Variants in RP1L1 observed in about 807,000 individuals in gnomAD.
RP1L1 encodes the protein retinitis pigmentosa 1-like 1 protein.
A neutral mutation model predicts 15.7 loss-of-function variants in RP1L1; 27 were observed. The observed-to-expected ratio is 1.72, with a 90% CI of 1.27 to 2.38. The LOEUF (loss-of-function observed/expected upper bound fraction) is 2.38, where lower values mean the gene tolerates loss of function less well. Among genes scored for constraint, RP1L1 ranks in the 30% most tolerant of loss-of-function variants. The pLI is 0.00. For synonymous variants in RP1L1, 1,813 were observed against 1,276.7 expected, an observed-to-expected ratio of 1.42 and a Z score of -8.96; for missense variants, 4,798 against 3,075.9, an observed-to-expected ratio of 1.56 and a Z score of -13.24.
chr8:10,612,643 G>C lies in RP1L1; in HGVS notation c.1455C>G (p.Pro485=). 8 of 1,602,086 alleles carry C rather than the reference G, an allele frequency of 5.0e-6. No homozygotes were observed. The highest frequency in any genetic ancestry group is 6.8e-6 in the Non-Finnish European group (8 of 1,179,148). The change falls in exon 4 of 4, where the codon CCC becomes CCG. Residue 485 remains proline, a synonymous_variant. Coordinates refer to ENST00000382483, the MANE Select transcript of RP1L1 (RefSeq NM_178857.6). ...TCCGCTCAGCCCCTATCTGGGCAGA[G>C]GGGCTGGCACTGTCCACCCCGTCCT... ...TPEDGVDSAS[P]SAQIGAERKA...
Position 10,610,692 on chromosome 8 carries a change from C to T in RP1L1, c.3406G>A (p.Ala1136Thr). ...QLFEEDLGSP[A>T]SKVRFKDSPR... ...GAGTCTTTGAACCTCACTTTGCTGG[C>T]AGGAGACCCAAGGTCTTCCTCAAAT... The change falls in exon 4 of 4, where the codon GCC becomes ACC. Residue 1136 changes from alanine to threonine, a missense_variant. Physicochemically the swap from Ala to Thr is moderately conservative, Grantham distance 58. Transcript: ENST00000382483. 8 of 1,612,426 alleles carry T rather than the reference C, an allele frequency of 5.0e-6. No homozygotes were observed. Among genetic ancestry groups the T allele is most frequent in the South Asian group, 1.1e-5 (1 of 90,926 alleles).
chr8:10,650,361 A>G (rs1295964987), intron 1 of RP1L1, among the ~76,000 whole-genome samples: 1 of 152,116 alleles, frequency 6.6e-6, no homozygotes, highest in African/African-American at 2.4e-5. Flanking sequence ...AGTCTCCCAA[A>G]ATACAGCTTC....
chr8:10,616,162 G>A lies in RP1L1; in HGVS notation c.751+284C>T, dbSNP rs998735276. On this transcript the variant is annotated intron_variant, in intron 3 of 3. Coordinates refer to ENST00000382483, the MANE Select transcript of RP1L1 (RefSeq NM_178857.6). ...AGACTCAAGCTATCCTCTCGCTTTG[G>A]GCCCCCAAACGGCTGGAATTACAGA... Among the ~76,000 whole-genome samples, 7 of 152,068 alleles carry A rather than the reference G, an allele frequency of 4.6e-5. No individual in the cohort carries two copies. In the East Asian group the frequency reaches 1.3e-3, roughly 29 times the overall value.
chr8:10,653,390 G>A (rs1798590624), intron 1 of RP1L1, among the ~76,000 whole-genome samples: 1 of 151,902 alleles, frequency 6.6e-6, no homozygotes, highest in East Asian at 1.9e-4. Context: ...GAACTATGTT[G>A]CCAGCCACAG....
At position 10,612,086 on chromosome 8, in the gene RP1L1, C is replaced by G. The variant is rs747521627; in HGVS notation, c.2012G>C (p.Arg671Pro). Residue 671 changes from arginine (R) to proline (P), a missense_variant, in exon 4 of 4, where the codon CGC becomes CCC. Transcript: ENST00000382483. The part of the protein sequence containing the change: ...PRGHPRHSHY[R>P]KDTHSPLDSS... ...GTCCAGTGGGCTGTGGGTGTCCTTG[C>G]GGTAGTGAGAATGCCTGGGATGGCC... is the stretch of plus-strand genomic sequence containing the variant. The G allele has an allele frequency of 6.2e-7, 1 of 1,613,832 alleles. No homozygotes were observed. Among genetic ancestry groups the G allele is most frequent in the Non-Finnish European group, 8.5e-7 (1 of 1,180,036 alleles).
In RP1L1 at chr8:10,611,818, GGCAGAGGGA is replaced by G; in HGVS notation, c.2271_2279del (p.Pro758_Ala760del). ...TGGACCCCGCGTCCCCTGCCCACCC[GGCAGAGGGA>G]GCGTTGTGCGGGGAGACTCCAGAAA... On this transcript the variant is annotated inframe_deletion, in exon 4 of 4. Coordinates refer to ENST00000382483, the MANE Select transcript of RP1L1 (RefSeq NM_178857.6). 6.2e-7 allele frequency: 1 copy of G among 1,613,658 alleles called. No homozygotes were observed. Among genetic ancestry groups the G allele is most frequent in the East Asian group, 2.2e-5 (1 of 44,870 alleles).
chr8:10,613,336 C>G lies in RP1L1; in HGVS notation c.762G>C (p.Gly254=), dbSNP rs758032963. 6.3e-7 allele frequency: 1 copy of G among 1,599,908 alleles called. No individual in the cohort carries two copies. Among genetic ancestry groups the G allele is most frequent in the African/African-American group, 1.3e-5 (1 of 74,922 alleles). The stretch of plus-strand genomic sequence containing the variant: ...GGATCACACTCGGCTTGGTCTTTGG[C>G]CCCCAGCTCCCTGGCACGCAGTGAA... ...LTSRNKNGSW[G]PKTKPSVIHS... is the part of the protein sequence containing the mutation. Residue 254 remains glycine, a synonymous_variant, in exon 4 of 4, where the codon GGG becomes GGC. Coordinates refer to ENST00000382483, the MANE Select transcript of RP1L1 (RefSeq NM_178857.6).
At chr8:10,628,752 A>G (rs1798196115) in intron 1 of RP1L1, among the ~76,000 whole-genome samples, 1 of 152,196 alleles carries the variant, frequency 6.6e-6, no homozygotes, top group Non-Finnish European at 1.5e-5. Flanking sequence ...ATCCATGACA[A>G]CTCATGGACT....
Position 10,608,872 on chromosome 8 carries a change from C to A in RP1L1, c.5226G>T (p.Glu1742Asp), listed in dbSNP as rs369388890. 6.2e-7 allele frequency: 1 copy of A among 1,613,896 alleles called. No homozygotes were observed. The highest frequency in any genetic ancestry group is 1.7e-5 in the Admixed American group (1 of 60,008). ...TCTGGCTCCCCTCGCCATCCTCACCCTCGTCCACTCCAGGCCCCTGGCTCA... is the reference window on the plus strand; with the variant it reads ...TCTGGCTCCCCTCGCCATCCTCACCATCGTCCACTCCAGGCCCCTGGCTCA... ...PGLSQGPGVD[E>D]GEDGEGSQRL... Residue 1742 changes from glutamate to aspartate, a missense_variant, in exon 4 of 4, where the codon GAG (glutamate) becomes GAT (aspartate). Transcript: ENST00000382483.
chr8:10,649,466 T>C (rs1205466570), intron 1 of RP1L1, among the ~76,000 whole-genome samples: 1 of 152,210 alleles, frequency 6.6e-6, no homozygotes, highest in Non-Finnish European at 1.5e-5. Context: ...GTGGTCTCAC[T>C]CTGACCCAGT....
intron 1 of RP1L1, among the ~76,000 whole-genome samples, chr8:10,654,400 G>T (rs928913620): frequency 6.6e-6 from 1 of 151,860 alleles, no homozygotes; most frequent in Non-Finnish European, 1.5e-5. Context: ...CTCTCTATTT[G>T]CCCTGGGTCT....
intron 1 of RP1L1, among the ~76,000 whole-genome samples, chr8:10,631,126 G>C (rs557755251): frequency 1.3e-5 from 2 of 152,188 alleles, no homozygotes; most frequent in South Asian, 4.2e-4. Context: ...TGAAAGCGGT[G>C]ATCACCCAAG....
chr8:10,629,789 C>T (rs1409798073), intron 1 of RP1L1, among the ~76,000 whole-genome samples: 1 of 152,136 alleles, frequency 6.6e-6, no homozygotes, highest in South Asian at 2.1e-4. Context: ...ACCACTTATT[C>T]CCTCCTCAAG....
At position 10,610,596 on chromosome 8, in the gene RP1L1, G is replaced by T. The variant is rs1045925948; in HGVS notation, c.3502C>A (p.Leu1168Met). 1 of 1,613,596 alleles carries T rather than the reference G, an allele frequency of 6.2e-7. No homozygotes were observed. Among genetic ancestry groups the T allele is most frequent in the South Asian group, 1.1e-5 (1 of 91,066 alleles). The change falls in exon 4 of 4, where the codon CTG (leucine) becomes ATG (methionine). Residue 1168 changes from leucine (L) to methionine (M), a missense_variant. Leu to Met is a conservative substitution (Grantham distance 15, BLOSUM62 2). Transcript: ENST00000382483. The part of the protein sequence containing the change: ...WPGCDVGEDQ[L>M]DSGLWELTWS... ...GTGAGCTCCCAGAGGCCTGAGTCCA[G>T]CTGGTCTTCCCCAACGTCACATCCT...
At chr8:10,640,952 G>A (rs1216709843) in intron 1 of RP1L1, among the ~76,000 whole-genome samples, 1 of 152,086 alleles carries the variant, frequency 6.6e-6, no homozygotes, top group African/African-American at 2.4e-5. Flanking sequence ...TGTATTTTTT[G>A]TAGAGAGGAG....
chr8:10,646,163 G>A (rs1798474834), intron 1 of RP1L1, among the ~76,000 whole-genome samples: 2 of 152,252 alleles, frequency 1.3e-5, no homozygotes, highest in African/African-American at 4.8e-5. Flanking sequence ...TCCCCCACGG[G>A]GCTGCCGAGA....
rs199568758 is a variant in RP1L1, at chr8:10,610,199, T to A, written c.3899A>T (p.Glu1300Val). 6.2e-7 allele frequency: 1 copy of A among 1,606,350 alleles called. No homozygotes were observed. Among genetic ancestry groups the A allele is most frequent in the Non-Finnish European group, 8.5e-7 (1 of 1,176,882 alleles). Residue 1300 changes from glutamate to valine, a missense_variant, in exon 4 of 4, where the codon GAG becomes GTG. By Grantham distance (121) the Glu-to-Val change is moderately radical. Coordinates refer to ENST00000382483, the MANE Select transcript of RP1L1 (RefSeq NM_178857.6). ...TTCTTTAGTTTCCTCTAATTGCACC[T>A]CTTCTTGCACTGTGTTTTCAGCTAA... ...EQLAENTVQEEVQLEETKEGT... is the reference protein window; with the variant it reads ...EQLAENTVQEVVQLEETKEGT...
intron 1 of RP1L1, among the ~76,000 whole-genome samples, chr8:10,645,570 G>T (rs1221560194): frequency 6.6e-6 from 1 of 152,122 alleles, no homozygotes; most frequent in Non-Finnish European, 1.5e-5. Context: ...AGGATGGGAA[G>T]TCTGTTAGCA....
intron 1 of RP1L1, among the ~76,000 whole-genome samples, chr8:10,636,348 C>T (rs9644685): frequency 2.0e-5 from 3 of 152,304 alleles, no homozygotes; most frequent in Middle Eastern, 3.4e-3. Flanking sequence ...CGGCCAGACC[C>T]GTCAGCATCC....
Sources: allele counts gnomAD v4.1 joint callset (sites outside exome capture counted in the v4.1 genomes callset), GRCh38; gene constraint gnomAD v4.1.1; transcripts MANE v1.5; gene names NCBI Gene and HGNC (gene_info 2026-07-23, HGNC 2026-07-21).